ACAD11: variants seen among roughly 807,000 people sequenced by gnomAD.
The protein encoded by ACAD11 is acyl-Coenzyme A dehydrogenase family, member 11.
ACAD11 carries 83 observed loss-of-function variants against 102.2 expected under a neutral mutation model. The observed-to-expected ratio is 0.81, with a 90% CI of 0.68 to 0.97. The LOEUF (loss-of-function observed/expected upper bound fraction) is 0.97. Among genes scored for constraint, ACAD11 ranks in the 50% least tolerant of loss-of-function variants. The pLI, the probability that ACAD11 is intolerant of heterozygous loss-of-function variation, is 0.00. For synonymous variants in ACAD11, 324 were observed against 319.8 expected, an observed-to-expected ratio of 1.01 and a Z score of -0.14; for missense variants, 901 against 951.7, an observed-to-expected ratio of 0.95 and a Z score of 0.70.
chr3:132,659,599 A>G lies in ACAD11; in HGVS notation c.149+4T>C, dbSNP rs1938018178. ...CCGCTGGAGGCAAAGGCTGACATCC[A>G]TACCTGTACTGGGCAATGGTCAGCG... On this transcript the variant is annotated splice_donor_region_variant and intron_variant, in intron 1 of 19. Transcript: ENST00000264990. 6.8e-6 allele frequency: 11 copies of G among 1,610,308 alleles called. No individual in the cohort carries two copies. The highest frequency in any genetic ancestry group is 1.3e-5 in the African/African-American group (1 of 74,798).
Position 132,658,239 on chromosome 3 carries a change from A to G in ACAD11, c.149+1364T>C, listed in dbSNP as rs1343019415. Among the ~76,000 whole-genome samples, 4 of 152,048 alleles carry G rather than the reference A, an allele frequency of 2.6e-5. No homozygotes were observed. In the East Asian group the frequency reaches 7.7e-4, roughly 29 times the overall value. On this transcript the variant is annotated intron_variant, in intron 1 of 19. Transcript: ENST00000264990. ...TTCCTTCATGGCCTATGTGTTTTCA[A>G]TTTTTATAAACTTTTTCATGTGTCC...
chr3:132,605,042 CATA>C (rs1207904815), intron 12 of ACAD11, 53 bp downstream of exon 12: 3 of 1,343,688 alleles, frequency 2.2e-6, no homozygotes, highest in Non-Finnish European at 3.2e-6. Flanking sequence ...TCAGCTCATC[CATA>C]ATAACTCCGG....
chr3:132,635,485 G>A (rs1019750124), intron 5 of ACAD11, among the ~76,000 whole-genome samples: 2 of 152,128 alleles, frequency 1.3e-5, no homozygotes, highest in African/African-American at 4.8e-5. Context: ...TTGTAGCTTT[G>A]TGTGGAAATA....
At chr3:132,629,016 T>C (rs1252827861) in intron 7 of ACAD11, among the ~76,000 whole-genome samples, 2 of 152,216 alleles carry the variant, frequency 1.3e-5, no homozygotes, top group Non-Finnish European at 2.9e-5. Context: ...GTCTTCTTTA[T>C]ATAATTCCTT....
intron 13 of ACAD11, among the ~76,000 whole-genome samples, chr3:132,591,882 A>AT (rs1938096145): frequency 6.6e-6 from 1 of 152,072 alleles, no homozygotes; most frequent in Non-Finnish European, 1.5e-5. Flanking sequence ...ATAGAGTGAG[A>AT]TTTTGTCTCC....
At chr3:132,607,078 G>C (rs112480648) in intron 11 of ACAD11, among the ~76,000 whole-genome samples, 3,262 of 152,030 alleles carry the variant, frequency 0.021, 55 homozygotes, top group South Asian at 0.073. Flanking sequence ...GGAATAGCAT[G>C]AACAACAGAA....
chr3:132,618,764 G>A lies in ACAD11; in HGVS notation c.1284C>T (p.Ala428=), dbSNP rs1006889356. ...PLVIDKLKEM[A]KVEGLWNLFL... ...ACAAGTTCCAGAGACCCTCGACTTT[G>A]GCCATTTCCTGTCAAGGTGATGAAC... is the stretch of plus-strand genomic sequence containing the variant. Residue 428 remains alanine, a synonymous_variant, in exon 11 of 20, where the codon GCC becomes GCT. Transcript: ENST00000264990. The A allele has an allele frequency of 6.3e-7, 1 of 1,590,024 alleles. No individual in the cohort carries two copies. Among genetic ancestry groups the A allele is most frequent in the Non-Finnish European group, 8.5e-7 (1 of 1,171,206 alleles).
chr3:132,588,101 C>T (rs1937920332), intron 13 of ACAD11, among the ~76,000 whole-genome samples: 1 of 152,196 alleles, frequency 6.6e-6, no homozygotes, highest in Non-Finnish European at 1.5e-5. Flanking sequence ...AAATGAAAAA[C>T]TCACCCTGTG....
rs368027591 is a variant in ACAD11 at position 132,642,846 on chromosome 3, A to G, written c.250-44T>C. The G allele has an allele frequency of 3.4e-5, 53 of 1,570,340 alleles. No individual in the cohort carries two copies. In the African/African-American group the frequency reaches 6.6e-4, roughly 19 times the overall value. The stretch of plus-strand genomic sequence containing the variant: ...CATTAAAAATCAGAGAAACTGATTT[A>G]ATTGTAATTAAATTTAATAACTACT... On this transcript the variant is annotated intron_variant, in intron 2 of 19. Coordinates refer to ENST00000264990, the MANE Select transcript of ACAD11 (RefSeq NM_032169.5).
intron 1 of ACAD11, among the ~76,000 whole-genome samples, chr3:132,655,801 T>A: frequency 6.6e-6 from 1 of 152,256 alleles, no homozygotes; most frequent in East Asian, 1.9e-4. Context: ...CAGATACATA[T>A]TAGGCACTCA....
intron 11 of ACAD11, among the ~76,000 whole-genome samples, chr3:132,614,193 A>C (rs1939299541): frequency 6.6e-6 from 1 of 152,198 alleles, no homozygotes; most frequent in African/African-American, 2.4e-5. Flanking sequence ...CAAATGGAAA[A>C]ACATTCCATG....
intron 7 of ACAD11, among the ~76,000 whole-genome samples, chr3:132,629,269 C>T (rs1386803106): frequency 6.6e-6 from 1 of 152,194 alleles, no homozygotes; most frequent in Non-Finnish European, 1.5e-5. Context: ...AGCAATTCTC[C>T]TGCCTCAGCC....
At chr3:132,587,725 T>C (rs1250073618) in intron 13 of ACAD11, among the ~76,000 whole-genome samples, 1 of 152,214 alleles carries the variant, frequency 6.6e-6, no homozygotes, top group African/African-American at 2.4e-5. Flanking sequence ...CTCCACAGAA[T>C]GTTGATGGTT....
chr3:132,562,784 A>G (rs576720183), intron 17 of ACAD11, among the ~76,000 whole-genome samples: 1 of 152,142 alleles, frequency 6.6e-6, no homozygotes, highest in Admixed American at 6.5e-5. Context: ...TTTTCTTACT[A>G]TTTGATTTAG....
intron 11 of ACAD11, among the ~76,000 whole-genome samples, chr3:132,615,529 A>G (rs914271782): frequency 6.6e-6 from 1 of 152,186 alleles, no homozygotes; most frequent in African/African-American, 2.4e-5. Context: ...CTTTGCAGGG[A>G]CATGGATGAA....
At chr3:132,640,396 A>G (rs368036435) in intron 4 of ACAD11, among the ~76,000 whole-genome samples, 2 of 152,096 alleles carry the variant, frequency 1.3e-5, no homozygotes, top group African/African-American at 2.4e-5. Flanking sequence ...CCTACTTTTC[A>G]TTTTAATACT....
chr3:132,584,703 T>C (rs1937723584), intron 13 of ACAD11, among the ~76,000 whole-genome samples: 1 of 151,992 alleles, frequency 6.6e-6, no homozygotes, highest in Non-Finnish European at 1.5e-5. Flanking sequence ...GGTACCACTT[T>C]TTCCTTTCAG....
chr3:132,568,418 A>G (rs766136508), intron 17 of ACAD11, among the ~76,000 whole-genome samples: 2 of 152,210 alleles, frequency 1.3e-5, no homozygotes, highest in Non-Finnish European at 2.9e-5. Flanking sequence ...ATAAATGGAG[A>G]GATATACCAG....
chr3:132,594,322 G>C (rs543026313), intron 13 of ACAD11, among the ~76,000 whole-genome samples: 5 of 152,056 alleles, frequency 3.3e-5, no homozygotes, highest in Non-Finnish European at 7.4e-5. Context: ...AGATACTTTT[G>C]AATCTATAAA....
Sources: allele counts gnomAD v4.1 joint callset (sites outside exome capture counted in the v4.1 genomes callset), GRCh38; gene constraint gnomAD v4.1.1; transcripts MANE v1.5; gene names NCBI Gene and HGNC (gene_info 2026-07-23, HGNC 2026-07-21).